The following DYNC2I2 variants were observed in gnomAD, a reference collection of about 807,000 sequenced individuals.
DYNC2I2 encodes the protein cytoplasmic dynein 2 intermediate chain 2.
A neutral mutation model predicts 52.0 loss-of-function variants in DYNC2I2; 39 were observed. The ratio of observed to expected loss-of-function variants is 0.75; its 90% confidence interval spans 0.58 to 0.98. The LOEUF (loss-of-function observed/expected upper bound fraction) is 0.98, where lower values mean the gene tolerates loss of function less well. Ranked by LOEUF, DYNC2I2 falls within the 50% of genes least tolerant of loss-of-function variation. The pLI, the probability that DYNC2I2 is intolerant of heterozygous loss-of-function variation, is 0.00. For synonymous variants in DYNC2I2, 359 were observed against 321.1 expected (o/e 1.12, Z -1.26); for missense variants, 743 against 728.4 (o/e 1.02, Z -0.23).
chr9:128,656,405 C>T lies in DYNC2I2; in HGVS notation c.186+136G>A, dbSNP rs1054236744. 6.3e-5 allele frequency: 39 copies of T among 619,008 alleles called. No individual in the cohort carries two copies. The Admixed American group carries it at 1.7e-3, about 27-fold the overall frequency. The allele number at this position is 619,008 out of a possible 1,614,324, so 38.3% of individuals were successfully genotyped here. A position where few individuals can be genotyped will look rare whatever the true frequency, so the allele number is the denominator to read the frequency against. ...CTGTAAAGGCAAACGGTGGGACGCC[C>T]GAACCCGCCCGGCAGCCACGGTGGG... On this transcript the variant is annotated intron_variant, in intron 1 of 8. Transcript: ENST00000372715.
At chr9:128,636,829 C>T in intron 3 of DYNC2I2, 89 bp downstream of exon 3, 1 of 1,043,088 alleles carries the variant, frequency 9.6e-7, no homozygotes, top group Non-Finnish European at 1.4e-6. Context: ...GCTCTTAGAA[C>T]CAGCCCTTCC....
At chr9:128,636,841 T>A (rs752995562) in intron 3 of DYNC2I2, 77 bp downstream of exon 3, 17 of 1,145,074 alleles carry the variant, frequency 1.5e-5, no homozygotes, top group Non-Finnish European at 2.2e-5. Context: ...AGCCCTTCCC[T>A]GTGCAGCTAC....
chr9:128,648,952 A>T (rs1860673232), intron 1 of DYNC2I2, among the ~76,000 whole-genome samples: 1 of 152,046 alleles, frequency 6.6e-6, no homozygotes, highest in South Asian at 2.1e-4. Flanking sequence ...CACACAAGAA[A>T]CCATTCAATT....
intron 6 of DYNC2I2, 22 bp from the exon 7 acceptor site, chr9:128,634,943 A>C: frequency 2.5e-6 from 4 of 1,610,088 alleles, no homozygotes; most frequent in Non-Finnish European, 3.4e-6. Context: ...TGGCAGCAGC[A>C]GGGTCAGAGC....
upstream of DYNC2I2, among the ~76,000 whole-genome samples, chr9:128,660,195 G>A (rs1309321900): frequency 2.0e-5 from 3 of 151,598 alleles, no homozygotes; most frequent in African/African-American, 7.3e-5. Context: ...TGCAACCTCC[G>A]CCTCCCGGGT....
chr9:128,658,686 C>T (rs1860882791), upstream of DYNC2I2, among the ~76,000 whole-genome samples: 1 of 149,622 alleles, frequency 6.7e-6, no homozygotes, highest in African/African-American at 2.5e-5. Flanking sequence ...TGCTTTGAAA[C>T]TCCTGACCTC....
the DYNC2I2 span, among the ~76,000 whole-genome samples, chr9:128,682,261 G>C: frequency 1.3e-5 from 2 of 151,900 alleles, no homozygotes; most frequent in Non-Finnish European, 2.9e-5. Context: ...TGTTAGCCAG[G>C]ACGATCTCGA....
In DYNC2I2 at chr9:128,634,001, A is replaced by C. The variant is rs371366167; in HGVS notation, c.1373-19T>G. ...ACGTCACCTGCAAAGAGAGACAGATACGTGGAGTAAGAGAAACTCTAGAGA... is the reference window on the plus strand; with the variant it reads ...ACGTCACCTGCAAAGAGAGACAGATCCGTGGAGTAAGAGAAACTCTAGAGA... On this transcript the variant is annotated intron_variant, in intron 8 of 8. Transcript: ENST00000372715. The C allele has an allele frequency of 1.9e-6, 3 of 1,612,232 alleles. No homozygotes were observed. Among genetic ancestry groups the C allele is most frequent in the Non-Finnish European group, 2.5e-6 (3 of 1,179,558 alleles).
chr9:128,668,327 G>A, the DYNC2I2 span, among the ~76,000 whole-genome samples: 14 of 151,032 alleles, frequency 9.3e-5, no homozygotes, highest in Admixed American at 2.6e-4. Context: ...ACAGGCATGA[G>A]CCACTGCGTC....
the DYNC2I2 span, among the ~76,000 whole-genome samples, chr9:128,668,259 A>T: frequency 7.3e-6 from 1 of 136,116 alleles, no homozygotes. Flanking sequence ...ACGCCCGGCC[A>T]GTCTCGATCT....
rs375374981 is a variant in DYNC2I2 at position 128,640,720 on chromosome 9, C to G, written c.406G>C (p.Glu136Gln). 3.7e-6 allele frequency: 6 copies of G among 1,614,176 alleles called. No individual in the cohort carries two copies. In the South Asian group the frequency reaches 6.6e-5, roughly 18 times the overall value. The change falls in exon 2 of 9, where the codon GAG (glutamate) becomes CAG (glutamine). Residue 136 changes from glutamate to glutamine, a missense_variant. Transcript: ENST00000372715. ...TGCTGCTGCTCGGTCCAGTTCACCT[C>G]GAAGCCATCAAACGCGTGGCTCTGC... Reference protein sequence around the residue: ...NWQSHAFDGFEVNWTEQQQMV... With the variant: ...NWQSHAFDGFQVNWTEQQQMV...
the DYNC2I2 span, among the ~76,000 whole-genome samples, chr9:128,674,482 G>A: frequency 2.5e-4 from 37 of 150,520 alleles, no homozygotes. Context: ...GGTGGCTCAC[G>A]CCTGTAATCC....
At chr9:128,652,556 T>C (rs1347577806) in intron 1 of DYNC2I2, among the ~76,000 whole-genome samples, 1 of 145,862 alleles carries the variant, frequency 6.9e-6, no homozygotes, top group Non-Finnish European at 1.5e-5. Flanking sequence ...CCGGGAGGTG[T>C]AGGTTGCAGT....
chr9:128,659,928 G>A (rs1276018172), upstream of DYNC2I2, among the ~76,000 whole-genome samples: 1 of 151,388 alleles, frequency 6.6e-6, no homozygotes, highest in East Asian at 1.9e-4. Context: ...AAGTTAGCCA[G>A]GTGTAGTGGC....
chr9:128,637,416 T>C (rs961761144), intron 2 of DYNC2I2, among the ~76,000 whole-genome samples: 3 of 152,142 alleles, frequency 2.0e-5, no homozygotes, highest in Non-Finnish European at 2.9e-5. Flanking sequence ...TACACGCACA[T>C]GATTTTTTGT....
the DYNC2I2 span, among the ~76,000 whole-genome samples, chr9:128,670,165 C>T: frequency 4.6e-5 from 7 of 151,920 alleles, no homozygotes; most frequent in Non-Finnish European, 7.4e-5. Context: ...GGCTGGACAC[C>T]GCTGGTGGGT....
intron 2 of DYNC2I2, among the ~76,000 whole-genome samples, chr9:128,637,663 G>A (rs1386081168): frequency 6.6e-6 from 1 of 152,074 alleles, no homozygotes; most frequent in African/African-American, 2.4e-5. Context: ...GGCTAGTCTC[G>A]AACTCCTGAC....
the DYNC2I2 span, among the ~76,000 whole-genome samples, chr9:128,664,764 C>A: frequency 6.6e-6 from 1 of 151,832 alleles, no homozygotes; most frequent in Non-Finnish European, 1.5e-5. Context: ...GGATTACAGG[C>A]GTGAGCCACC....
chr9:128,645,067 T>A (rs1196099460), intron 1 of DYNC2I2, among the ~76,000 whole-genome samples: 1 of 152,092 alleles, frequency 6.6e-6, no homozygotes, highest in African/African-American at 2.4e-5. Context: ...GTAAGCCAAT[T>A]AGGCCAGGCG....
Sources: allele counts gnomAD v4.1 joint callset (sites outside exome capture counted in the v4.1 genomes callset), GRCh38; gene constraint gnomAD v4.1.1; transcripts MANE v1.5; gene names NCBI Gene and HGNC (gene_info 2026-07-23, HGNC 2026-07-21).